DRC11: variants seen among roughly 807,000 people sequenced by gnomAD.
The protein encoded by DRC11 is IQ and AAA domain-containing protein 1.
chr2:236,314,363 T>C, the DRC11 span, among the ~76,000 whole-genome samples: 1 of 152,218 alleles, frequency 6.6e-6, no homozygotes, highest in African/African-American at 2.4e-5. The surrounding 1 kb of genome is among the most constrained non-coding windows in gnomAD (Gnocchi z 4.5). Context: ...CAAAACTTTG[T>C]ACCTAATGAT....
the DRC11 span, among the ~76,000 whole-genome samples, chr2:236,372,966 C>T: frequency 7.2e-5 from 11 of 152,080 alleles, no homozygotes; most frequent in Admixed American, 1.3e-4. The surrounding 1 kb of genome is among the most constrained non-coding windows in gnomAD (Gnocchi z 4.5). Context: ...TTTAGGGACT[C>T]GTATTATCTG....
At chr2:236,352,938 T>C in the DRC11 span, among the ~76,000 whole-genome samples, 1 of 152,280 alleles carries the variant, frequency 6.6e-6, no homozygotes, top group East Asian at 1.9e-4. The surrounding 1 kb of genome is among the most constrained non-coding windows in gnomAD (Gnocchi z 7.0). Context: ...TCTGTGCGTG[T>C]CGTTTTTATG....
At chr2:236,444,657 C>T in the DRC11 span, among the ~76,000 whole-genome samples, 2 of 152,212 alleles carry the variant, frequency 1.3e-5, no homozygotes, top group South Asian at 4.1e-4. Flanking sequence ...GAACTGTCAT[C>T]TCACTCCCTG....
chr2:236,493,446 C>G, the DRC11 span, among the ~76,000 whole-genome samples: 1 of 152,198 alleles, frequency 6.6e-6, no homozygotes, highest in African/African-American at 2.4e-5. Context: ...TTTACATGAA[C>G]AACATTTAGC....
the DRC11 span, among the ~76,000 whole-genome samples, chr2:236,357,610 TTTATAAATATATAA>T: frequency 8.1e-6 from 1 of 124,210 alleles, no homozygotes; most frequent in Non-Finnish European, 1.6e-5. Flanking sequence ...TAAATATATA[TTTATAAATATATAA>T]ATATGCATAT....
At chr2:236,424,396 G>A in the DRC11 span, among the ~76,000 whole-genome samples, 1 of 151,936 alleles carries the variant, frequency 6.6e-6, no homozygotes, top group Non-Finnish European at 1.5e-5. Context: ...AAATTTTTGA[G>A]TATTACATTT....
At chr2:236,333,569 A>T in the DRC11 span, among the ~76,000 whole-genome samples, 3 of 152,332 alleles carry the variant, frequency 2.0e-5, no homozygotes, top group East Asian at 3.9e-4. This position sits in a 1 kb window ranked among gnomAD's most constrained non-coding sequence, Gnocchi z 6.0. Flanking sequence ...GCTGAAGTTG[A>T]CATCCCAGGC....
chr2:236,477,921 T>C, the DRC11 span, among the ~76,000 whole-genome samples: 2 of 152,122 alleles, frequency 1.3e-5, no homozygotes, highest in South Asian at 4.1e-4. Flanking sequence ...TTTGGTCTTC[T>C]CTCTTTTTTC....
chr2:236,481,841 CATATT>C, the DRC11 span, among the ~76,000 whole-genome samples: 4 of 150,562 alleles, frequency 2.7e-5, no homozygotes, highest in African/African-American at 7.3e-5. Context: ...TAGAATTATA[CATATT>C]ATATGTATAA....
At chr2:236,331,619 C>T in the DRC11 span, 7 of 1,573,964 alleles carry the variant, frequency 4.4e-6, no homozygotes, top group Non-Finnish European at 5.2e-6. The surrounding 1 kb of genome is among the most constrained non-coding windows in gnomAD (Gnocchi z 4.8). Flanking sequence ...AGAAAAGACA[C>T]AGAGAACAAG....
At chr2:236,420,381 C>T in the DRC11 span, among the ~76,000 whole-genome samples, 1 of 152,160 alleles carries the variant, frequency 6.6e-6, no homozygotes, top group African/African-American at 2.4e-5. The surrounding 1 kb of genome is among the most constrained non-coding windows in gnomAD (Gnocchi z 4.8). Context: ...GTGAAACCAA[C>T]AATCCATACT....
chr2:236,314,764 C>A, the DRC11 span, among the ~76,000 whole-genome samples: 2 of 152,032 alleles, frequency 1.3e-5, no homozygotes, highest in Admixed American at 6.6e-5. This position sits in a 1 kb window ranked among gnomAD's most constrained non-coding sequence, Gnocchi z 4.5. Context: ...AAGATATCTA[C>A]ACAGAAAATT....
chr2:236,371,877 T>C, the DRC11 span, among the ~76,000 whole-genome samples: 5 of 152,202 alleles, frequency 3.3e-5, no homozygotes, highest in African/African-American at 9.7e-5. This position sits in a 1 kb window ranked among gnomAD's most constrained non-coding sequence, Gnocchi z 5.1. Context: ...GTGTAAAGCA[T>C]TGCTGTGGAA....
chr2:236,433,433 T>G, the DRC11 span, among the ~76,000 whole-genome samples: 2 of 152,214 alleles, frequency 1.3e-5, no homozygotes, highest in African/African-American at 4.8e-5. Context: ...AGGAGTGTTG[T>G]AAGCTTTTCT....
chr2:236,459,637 GTATA>G, the DRC11 span, among the ~76,000 whole-genome samples: 1 of 125,734 alleles, frequency 8.0e-6, no homozygotes, highest in Non-Finnish European at 1.8e-5. Flanking sequence ...ACGTATATAC[GTATA>G]TACGTATATA....
the DRC11 span, chr2:236,408,924 C>T: frequency 4.5e-6 from 3 of 673,140 alleles, no homozygotes; most frequent in South Asian, 4.4e-5. This position sits in a 1 kb window ranked among gnomAD's most constrained non-coding sequence, Gnocchi z 5.5. Context: ...GTGGGTCATG[C>T]CAACCTTGTA....
the DRC11 span, among the ~76,000 whole-genome samples, chr2:236,389,508 G>A: frequency 6.6e-6 from 1 of 152,322 alleles, no homozygotes; most frequent in South Asian, 2.1e-4. Context: ...GCAATGCCTC[G>A]CCCTGCTTCG....
At chr2:236,318,495 G>T in the DRC11 span, among the ~76,000 whole-genome samples, 1 of 152,116 alleles carries the variant, frequency 6.6e-6, no homozygotes, top group Non-Finnish European at 1.5e-5. The surrounding 1 kb of genome is among the most constrained non-coding windows in gnomAD (Gnocchi z 7.0). Context: ...ATGTATGCAT[G>T]TGTATCTGTG....
the DRC11 span, among the ~76,000 whole-genome samples, chr2:236,504,302 G>A: frequency 2.0e-5 from 3 of 152,070 alleles, no homozygotes; most frequent in Non-Finnish European, 2.9e-5. The surrounding 1 kb of genome is among the most constrained non-coding windows in gnomAD (Gnocchi z 5.0). Context: ...CTATTGCTAA[G>A]TTTCCTTTGT....
Sources: gnomAD v4.1 joint callset for allele counts (sites outside exome capture counted in the v4.1 genomes callset) on GRCh38, gnomAD v4.1.1 for gene constraint, Gnocchi (gnomAD v3.1) non-coding constraint, MANE v1.5 for transcripts, NCBI Gene and HGNC (gene_info 2026-07-23, HGNC 2026-07-21) for gene names.